The following MIA2 variants were observed in gnomAD, a reference collection of about 807,000 sequenced individuals.
MIA2 encodes the protein MIA SH3 domain ER export factor 2.
MIA2 carries 127 observed loss-of-function variants against 167.8 expected under a neutral mutation model. The ratio of observed to expected loss-of-function variants is 0.76; its 90% CI spans 0.66 to 0.88. The LOEUF (loss-of-function observed/expected upper bound fraction) is 0.88, where lower values mean the gene tolerates loss of function less well. Ranked by LOEUF, MIA2 falls within the 40% of genes least tolerant of loss-of-function variation. The probability of loss-of-function intolerance (pLI) is 0.00; values close to 1 mark genes in which losing one functional copy is unlikely to be tolerated. For synonymous variants in MIA2, 552 were observed against 541.9 expected, an observed-to-expected ratio of 1.02 and a Z score of -0.26; for missense variants, 1,690 against 1,624.7, an observed-to-expected ratio of 1.04 and a Z score of -0.69.
At chr14:39,377,236 GAAAA>G (rs202148004) in intron 23 of MIA2, among the ~76,000 whole-genome samples, 15 of 106,254 alleles carry the variant, frequency 1.4e-4, no homozygotes, top group Non-Finnish European at 2.4e-4. Context: ...GGGGGAGGAA[GAAAA>G]AAAAAAAAAA....
intron 17 of MIA2, among the ~76,000 whole-genome samples, chr14:39,304,630 G>A (rs377478504): frequency 6.0e-4 from 91 of 152,108 alleles, no homozygotes; most frequent in Admixed American, 1.6e-3. Flanking sequence ...ATGTAAAACC[G>A]TATTTATCTT....
intron 6 of MIA2, among the ~76,000 whole-genome samples, chr14:39,262,562 A>G (rs984280817): frequency 2.6e-5 from 4 of 152,196 alleles, no homozygotes; most frequent in South Asian, 2.1e-4. Flanking sequence ...GAAGTCATTG[A>G]TAGCTTGATG....
At chr14:39,263,387 T>C (rs1191065775) in intron 6 of MIA2, among the ~76,000 whole-genome samples, 2 of 151,626 alleles carry the variant, frequency 1.3e-5, no homozygotes, top group Non-Finnish European at 2.9e-5. Flanking sequence ...TGATGGATTG[T>C]TCTTTTTTTT....
At chr14:39,288,474 T>TTG (rs2060226540) in intron 9 of MIA2, among the ~76,000 whole-genome samples, 1 of 56,528 alleles carries the variant, frequency 1.8e-5, no homozygotes, top group Non-Finnish European at 3.2e-5. Flanking sequence ...TATATATATA[T>TTG]ATTTTTTTTT....
At chr14:39,236,874 TATC>T (rs751868318) in intron 1 of MIA2, 45 bp from the exon 2 acceptor site, 2 of 1,525,820 alleles carry the variant, frequency 1.3e-6, no homozygotes, top group South Asian at 1.2e-5. Context: ...GGAGGAGAAA[TATC>T]ATTTTAATTT....
chr14:39,276,717 G>A, intron 6 of MIA2: 1 of 478,030 alleles, frequency 2.1e-6, no homozygotes, highest in South Asian at 2.3e-5. Flanking sequence ...CACCTCTGTA[G>A]AACTCCAGTT....
intron 6 of MIA2, among the ~76,000 whole-genome samples, chr14:39,261,056 T>C (rs188450748): frequency 2.6e-5 from 4 of 152,170 alleles, no homozygotes; most frequent in African/African-American, 7.2e-5. Context: ...TTGTTGCATA[T>C]GTATACATGT....
chr14:39,298,445 A>AAT (rs757305309), intron 13 of MIA2, among the ~76,000 whole-genome samples: 1 of 101,314 alleles, frequency 9.9e-6, no homozygotes, highest in Non-Finnish European at 2.1e-5. Flanking sequence ...ATATATATAA[A>AAT]GATTAGTTTT....
At chr14:39,254,205 A>C (rs1300734078) in intron 6 of MIA2, among the ~76,000 whole-genome samples, 1 of 152,160 alleles carries the variant, frequency 6.6e-6, no homozygotes, top group East Asian at 1.9e-4. Flanking sequence ...CAGACAAAGA[A>C]AGGATAGGCA....
Position 39,288,470 on chromosome 14 carries a change from T to TG in MIA2, c.2131-2549_2131-2548insG, listed in dbSNP as rs1566748607. Among the ~76,000 whole-genome samples the TG allele has an allele frequency of 8.3e-3, 344 of 41,622 alleles. 51 individuals are homozygous for TG. Among genetic ancestry groups the TG allele is most frequent in the African/African-American group, 0.043 (293 of 6,736 alleles). The allele number at this position is 41,622 out of a possible 152,430, so 27.3% of individuals were successfully genotyped here. A position where few individuals can be genotyped will look rare whatever the true frequency, so the allele number is the denominator to read the frequency against. On this transcript the variant is annotated intron_variant, in intron 9 of 28. Coordinates refer to ENST00000640607, the MANE Select transcript of MIA2 (RefSeq NM_001329214.4). ...ATATATATATATATATATATATATA[T>TG]ATATATTTTTTTTTTTTTTTTTGAG...
At chr14:39,306,847 A>T (rs1384923465) in intron 17 of MIA2, among the ~76,000 whole-genome samples, 1 of 152,200 alleles carries the variant, frequency 6.6e-6, no homozygotes, top group Non-Finnish European at 1.5e-5. Flanking sequence ...AGAGTTGTTC[A>T]GAGTTGGTAC....
intron 23 of MIA2, among the ~76,000 whole-genome samples, chr14:39,360,519 CCTTGTGTATT>C (rs2074658675): frequency 1.3e-5 from 2 of 150,482 alleles, no homozygotes; most frequent in South Asian, 2.1e-4. Flanking sequence ...CCATTGAGTG[CCTTGTGTATT>C]CTTGTGTATT....
At chr14:39,265,297 C>G (rs1193152199) in intron 6 of MIA2, 7 of 940,082 alleles carry the variant, frequency 7.4e-6, no homozygotes, top group Non-Finnish European at 1.2e-5. Context: ...CAGAAGAGTG[C>G]AGGATATATT....
At chr14:39,378,211 T>G (rs2075081631) in intron 23 of MIA2, among the ~76,000 whole-genome samples, 1 of 152,190 alleles carries the variant, frequency 6.6e-6, no homozygotes, top group South Asian at 2.1e-4. Context: ...GCAAATAGCC[T>G]AAAAGAAGAA....
intron 23 of MIA2, among the ~76,000 whole-genome samples, chr14:39,364,406 G>A (rs1346394933): frequency 6.6e-6 from 1 of 150,540 alleles, no homozygotes; most frequent in Admixed American, 6.6e-5. Context: ...TATGTCTCAT[G>A]TTTCTTTCTA....
chr14:39,270,486 C>T (rs2056953364), intron 6 of MIA2, among the ~76,000 whole-genome samples: 1 of 151,692 alleles, frequency 6.6e-6, no homozygotes, highest in East Asian at 1.9e-4. Context: ...GGTGTGAGTC[C>T]CCCCACCCGG....
chr14:39,340,681 AT>A (rs963857366), intron 25 of MIA2, among the ~76,000 whole-genome samples: 4 of 152,180 alleles, frequency 2.6e-5, no homozygotes, highest in African/African-American at 9.7e-5. Flanking sequence ...CGTGGTATAT[AT>A]GCTTTTATCC....
Position 39,247,170 on chromosome 14 carries a change from T to A in MIA2, c.596T>A (p.Val199Glu), listed in dbSNP as rs774373731. The stretch of plus-strand genomic sequence containing the variant: ...AGTGAATCAAAAGACTGGGAAGAAG[T>A]AGTTGTTGAAAGTATGGAACAGGAT... ...STSESKDWEE[V>E]VVESMEQDRI... The change falls in exon 4 of 29, where the codon GTA becomes GAA. Residue 199 changes from valine (V) to glutamate (E), a missense_variant. Val to Glu is a moderately radical substitution (Grantham distance 121, BLOSUM62 -2). Transcript: ENST00000640607. 2.5e-6 allele frequency: 4 copies of A among 1,613,990 alleles called. No individual in the cohort carries two copies. The Admixed American group carries it at 6.7e-5, about 27-fold the overall frequency.
intron 6 of MIA2, among the ~76,000 whole-genome samples, chr14:39,274,259 G>T (rs1005254152): frequency 2.0e-5 from 3 of 151,992 alleles, no homozygotes; most frequent in Non-Finnish European, 4.4e-5. Context: ...TATTATATTT[G>T]TTGATATTTG....
Sources: gnomAD v4.1 joint callset for allele counts (sites outside exome capture counted in the v4.1 genomes callset) on GRCh38, gnomAD v4.1.1 for gene constraint, MANE v1.5 for transcripts, NCBI Gene and HGNC (gene_info 2026-07-23, HGNC 2026-07-21) for gene names.